Variants in AIG1 observed in about 807,000 individuals in gnomAD.
AIG1 encodes androgen induced 1, also known as androgen-induced gene 1 protein.
In AIG1, 23 loss-of-function variants were observed where a neutral mutation model predicts 31.4. That is an observed-to-expected ratio of 0.73 (90% confidence interval 0.53 to 1.04). The LOEUF (loss-of-function observed/expected upper bound fraction) is 1.04. Ranked by LOEUF, AIG1 falls within the 50% of genes least tolerant of loss-of-function variation. The pLI, the probability that AIG1 is intolerant of heterozygous loss-of-function variation, is 0.00. For synonymous variants in AIG1, 100 were observed against 110.5 expected, an observed-to-expected ratio of 0.90 and a Z score of 0.60; for missense variants, 274 against 295.0, an observed-to-expected ratio of 0.93 and a Z score of 0.52.
chr6:143,060,856 C>T, upstream of AIG1: 6 of 1,116,444 alleles, frequency 5.4e-6, no homozygotes, highest in Admixed American at 8.3e-5. Context: ...CGGCGCCCGC[C>T]CCCGCGCGCC....
intron 3 of AIG1, among the ~76,000 whole-genome samples, chr6:143,194,416 A>G (rs1790056602): frequency 6.6e-6 from 1 of 152,186 alleles, no homozygotes; most frequent in Non-Finnish European, 1.5e-5. Context: ...TATGGGGATT[A>G]CAATTCCAGA....
At chr6:143,283,704 A>G (rs572795691) in intron 3 of AIG1, among the ~76,000 whole-genome samples, 4 of 152,354 alleles carry the variant, frequency 2.6e-5, no homozygotes, top group Admixed American at 2.6e-4. Flanking sequence ...TTATGATAAA[A>G]ATCCAAAACA....
At chr6:143,144,104 T>C (rs959263780) in intron 2 of AIG1, among the ~76,000 whole-genome samples, 6 of 152,270 alleles carry the variant, frequency 3.9e-5, no homozygotes, top group Non-Finnish European at 7.3e-5. Flanking sequence ...ACATTTATGC[T>C]AGCTCAGAGT....
chr6:143,151,187 AAGCACTTATTACCCTT>A (rs1006911795), intron 2 of AIG1, among the ~76,000 whole-genome samples: 1 of 152,206 alleles, frequency 6.6e-6, no homozygotes, highest in African/African-American at 2.4e-5. Flanking sequence ...TTTCCACAAT[AAGCACTTATTACCCTT>A]ATAATAAGAA....
chr6:143,086,296 A>G (rs1778774222), intron 1 of AIG1, among the ~76,000 whole-genome samples: 1 of 152,276 alleles, frequency 6.6e-6, no homozygotes, highest in Non-Finnish European at 1.5e-5. Flanking sequence ...TAGGTTTTAA[A>G]TTTACCCTGG....
At chr6:143,168,535 G>A (rs568471816) in intron 3 of AIG1, among the ~76,000 whole-genome samples, 1 of 151,612 alleles carries the variant, frequency 6.6e-6, no homozygotes, top group Non-Finnish European at 1.5e-5. Flanking sequence ...GCGATAGTTT[G>A]CTGAGAATGA....
At chr6:143,145,364 G>A (rs143319670) in intron 2 of AIG1, among the ~76,000 whole-genome samples, 72 of 152,234 alleles carry the variant, frequency 4.7e-4, no homozygotes, top group Admixed American at 4.0e-3. Context: ...TATTATCCAC[G>A]TCTGTCTTCA....
At chr6:143,197,741 G>A (rs1225244379) in intron 3 of AIG1, among the ~76,000 whole-genome samples, 1 of 152,178 alleles carries the variant, frequency 6.6e-6, no homozygotes, top group East Asian at 1.9e-4. Flanking sequence ...GTAGAACAGA[G>A]CCTCACTGTA....
intron 3 of AIG1, among the ~76,000 whole-genome samples, chr6:143,217,539 C>T (rs777384513): frequency 7.2e-5 from 11 of 152,054 alleles, no homozygotes; most frequent in South Asian, 2.1e-4. Flanking sequence ...GACAGAGTCT[C>T]GCTCTGTCGC....
chr6:143,294,845 G>A (rs1427207570), intron 4 of AIG1, among the ~76,000 whole-genome samples: 1 of 151,898 alleles, frequency 6.6e-6, no homozygotes. Flanking sequence ...AGCCTCATTT[G>A]CTGGCTCTTT....
chr6:143,255,404 G>A (rs796283139), intron 3 of AIG1, among the ~76,000 whole-genome samples: 27 of 152,250 alleles, frequency 1.8e-4, no homozygotes, highest in African/African-American at 3.6e-4. Flanking sequence ...CTTGGCTGGC[G>A]GATGGTGTTT....
chr6:143,201,438 C>T (rs1473034626), intron 3 of AIG1, among the ~76,000 whole-genome samples: 1 of 152,114 alleles, frequency 6.6e-6, no homozygotes, highest in African/African-American at 2.4e-5. Context: ...GATTTAGGCA[C>T]CAGTGCTAGC....
At chr6:143,189,624 C>A in intron 3 of AIG1, 1 of 985,320 alleles carries the variant, frequency 1.0e-6, no homozygotes, top group Non-Finnish European at 1.2e-6. Flanking sequence ...ACCCTACTAT[C>A]TTTTTTGATG....
At chr6:143,069,530 T>C (rs1228919380) in intron 1 of AIG1, among the ~76,000 whole-genome samples, 7 of 152,214 alleles carry the variant, frequency 4.6e-5, no homozygotes, top group African/African-American at 1.7e-4. Flanking sequence ...TTCTAATAGG[T>C]GTGTAGCACT....
downstream of AIG1, among the ~76,000 whole-genome samples, chr6:143,341,458 A>G (rs915773348): frequency 2.0e-5 from 3 of 152,168 alleles, no homozygotes; most frequent in Non-Finnish European, 4.4e-5. Flanking sequence ...CAGGGCCTTT[A>G]AAGAGGGGAT....
intron 3 of AIG1, chr6:143,187,304 C>A: frequency 1.7e-6 from 2 of 1,172,278 alleles, no homozygotes; most frequent in Non-Finnish European, 2.4e-6. Flanking sequence ...TGCTAATATT[C>A]ACACATATGG....
chr6:143,342,975 G>C (rs930259362), downstream of AIG1: 2 of 990,462 alleles, frequency 2.0e-6, no homozygotes, highest in African/African-American at 1.6e-5. Flanking sequence ...GTCAAGAGCA[G>C]TTCATGGCAG....
At chr6:143,308,192 G>A (rs1377395706) in intron 4 of AIG1, among the ~76,000 whole-genome samples, 8 of 152,284 alleles carry the variant, frequency 5.3e-5, no homozygotes, top group South Asian at 2.1e-4. Flanking sequence ...GCTTCGGCTC[G>A]CGCACGGTGC....
At chr6:143,273,583 T>G (rs763314725) in intron 3 of AIG1, among the ~76,000 whole-genome samples, 1 of 152,044 alleles carries the variant, frequency 6.6e-6, no homozygotes, top group Non-Finnish European at 1.5e-5. Flanking sequence ...TGAGACTGGG[T>G]AATTTATAAA....
Sources: gnomAD v4.1 joint callset for allele counts (sites outside exome capture counted in the v4.1 genomes callset) on GRCh38, gnomAD v4.1.1 for gene constraint, MANE v1.5 for transcripts, NCBI Gene and HGNC (gene_info 2026-07-23, HGNC 2026-07-21) for gene names.